CPLX2: variants seen among roughly 807,000 people sequenced by gnomAD.
CPLX2 encodes complexin-2.
In CPLX2, 5 loss-of-function variants were observed where a neutral mutation model predicts 16.3. The observed-to-expected ratio is 0.31, with a 90% CI of 0.16 to 0.64. CPLX2 has a LOEUF of 0.64. Among genes scored for constraint, CPLX2 ranks in the 30% least tolerant of loss-of-function variants. The pLI, the probability that CPLX2 is intolerant of heterozygous loss-of-function variation, is 0.79. For synonymous variants in CPLX2, 89 were observed against 73.2 expected (o/e 1.22, Z -1.10); for missense variants, 144 against 181.4 (o/e 0.79, Z 1.18).
At chr5:175,857,748 G>C (rs1759288105) in intron 2 of CPLX2, among the ~76,000 whole-genome samples, 1 of 152,184 alleles carries the variant, frequency 6.6e-6, no homozygotes, top group African/African-American at 2.4e-5. Flanking sequence ...TGTAAGTTGG[G>C]AGCCATTGTA....
At chr5:175,864,272 G>A (rs1025018510) in intron 2 of CPLX2, among the ~76,000 whole-genome samples, 7 of 152,146 alleles carry the variant, frequency 4.6e-5, no homozygotes, top group African/African-American at 1.2e-4. Flanking sequence ...CTGTCTTTAC[G>A]TGGCCAGTGC....
intron 2 of CPLX2, among the ~76,000 whole-genome samples, chr5:175,863,203 C>T (rs886932050): frequency 6.6e-6 from 1 of 152,234 alleles, no homozygotes; most frequent in Non-Finnish European, 1.5e-5. Flanking sequence ...TTTTGGTCAC[C>T]TTGAGACCTA....
At chr5:175,819,562 C>G (rs983254118) in intron 2 of CPLX2, among the ~76,000 whole-genome samples, 24 of 152,192 alleles carry the variant, frequency 1.6e-4, no homozygotes, top group African/African-American at 5.5e-4. Flanking sequence ...CTATTCAAGG[C>G]TCTGGACAGG....
chr5:175,836,039 G>A (rs1045627907), intron 2 of CPLX2, among the ~76,000 whole-genome samples: 10 of 152,088 alleles, frequency 6.6e-5, no homozygotes, highest in East Asian at 5.8e-4. Context: ...GCGCCCAGCC[G>A]CAAATGGCTT....
intron 2 of CPLX2, among the ~76,000 whole-genome samples, chr5:175,839,482 A>C (rs1758908405): frequency 6.6e-6 from 1 of 152,066 alleles, no homozygotes; most frequent in African/African-American, 2.4e-5. Flanking sequence ...ATGGGGTTTC[A>C]CCATGTTGGC....
intron 1 of CPLX2, among the ~76,000 whole-genome samples, chr5:175,800,274 G>T (rs1758068660): frequency 6.6e-6 from 1 of 152,198 alleles, no homozygotes; most frequent in African/African-American, 2.4e-5. Context: ...ATCAAATGGG[G>T]AGGGCAGTGT....
At chr5:175,870,597 C>T (rs986902566), upstream of CPLX2, among the ~76,000 whole-genome samples, 1 of 142,974 alleles carries the variant, frequency 7.0e-6, no homozygotes, top group Non-Finnish European at 1.5e-5. Context: ...AATAAAAAGG[C>T]TCATTAGGTG....
In CPLX2 at chr5:175,874,975, G is replaced by A. The variant is rs564261607; in HGVS notation, c.-89+3270G>A. ...GATTCCAGAAAGCTGGAAAAGGTGG[G>A]GGGAGGGAGTCAGCAGCAGCATGTG... On this transcript the variant is annotated intron_variant, in intron 1 of 3. Coordinates refer to ENST00000393745, the MANE Select transcript of CPLX2 (RefSeq NM_001008220.2). 3.9e-5 allele frequency among the ~76,000 whole-genome samples: 6 copies of A among 152,324 alleles called. No individual in the cohort carries two copies. In the South Asian group the frequency reaches 1.2e-3, roughly 32 times the overall value.
intron 2 of CPLX2, among the ~76,000 whole-genome samples, chr5:175,829,196 C>T (rs538891221): frequency 3.9e-5 from 6 of 152,310 alleles, no homozygotes; most frequent in African/African-American, 7.2e-5. Flanking sequence ...AGGCTTTTTG[C>T]GTTTGATTTT....
chr5:175,848,216 T>C (rs1246131100), intron 2 of CPLX2, among the ~76,000 whole-genome samples: 2 of 151,864 alleles, frequency 1.3e-5, no homozygotes, highest in African/African-American at 2.4e-5. Flanking sequence ...CAGCCATTGG[T>C]AGGGGAGAGG....
intron 2 of CPLX2, among the ~76,000 whole-genome samples, chr5:175,847,025 G>A (rs1428493383): frequency 2.0e-5 from 3 of 152,162 alleles, no homozygotes; most frequent in South Asian, 2.1e-4. Flanking sequence ...TTTAGGAGGC[G>A]TTGAGATGAA....
chr5:175,810,903 A>G (rs1418469837), intron 2 of CPLX2, among the ~76,000 whole-genome samples: 2 of 152,202 alleles, frequency 1.3e-5, no homozygotes, highest in Non-Finnish European at 2.9e-5. Context: ...TTCCCTCCAT[A>G]TAGAATGTAT....
intron 2 of CPLX2, among the ~76,000 whole-genome samples, chr5:175,841,565 G>A (rs1299646895): frequency 1.3e-5 from 2 of 152,224 alleles, no homozygotes; most frequent in African/African-American, 2.4e-5. Context: ...CCCTATGTCT[G>A]AGACCTAGAT....
intron 2 of CPLX2, among the ~76,000 whole-genome samples, chr5:175,862,103 C>T (rs1759384148): frequency 6.6e-6 from 1 of 152,226 alleles, no homozygotes; most frequent in South Asian, 2.1e-4. Flanking sequence ...GCAGTGCCCA[C>T]TTCTCCTACT....
At chr5:175,856,568 G>C (rs1354571058) in intron 2 of CPLX2, among the ~76,000 whole-genome samples, 1 of 152,228 alleles carries the variant, frequency 6.6e-6, no homozygotes, top group African/African-American at 2.4e-5. Flanking sequence ...CCAAGGAGAA[G>C]GAGGAGAGGT....
chr5:175,873,245 G>A (rs1419889384), intron 1 of CPLX2, among the ~76,000 whole-genome samples: 1 of 133,866 alleles, frequency 7.5e-6, no homozygotes, highest in Non-Finnish European at 1.6e-5. Context: ...CACTCCCGCA[G>A]GCATATGGCA....
In CPLX2 at chr5:175,879,104, C is replaced by G. The variant is rs4077873; in HGVS notation, c.207+21C>G. The G allele has an allele frequency of 8.7e-3, 13,472 of 1,550,248 alleles. 934 individuals carry two copies. The African/African-American group carries it at 0.16, about 18-fold the overall frequency. On this transcript the variant is annotated intron_variant, in intron 3 of 3. Transcript: ENST00000393745. ...ATAAGGTCAGCTCCGCCCGCCCGCC[C>G]GTCCTGGGGAGGGCCACAAGCGGGT...
rs1222789374 is a variant in CPLX2 at position 175,883,020 on chromosome 5, T to A, written c.*2975T>A. On this transcript the variant is annotated 3_prime_UTR_variant, in exon 4 of 4. Transcript: ENST00000393745. ...TGGGGCAGTGTGCATGCAACACACT[T>A]AGGGGAGGAGTGGCCCCAGAATTCA... 6.6e-6 allele frequency: 1 copy of A among 152,204 alleles called. No individual in the cohort carries two copies. Among genetic ancestry groups the A allele is most frequent in the Non-Finnish European group, 1.5e-5 (1 of 68,050 alleles). 9.4% of individuals were successfully genotyped at this position (152,204 alleles called of 1,614,324 possible). A position where few individuals can be genotyped will look rare whatever the true frequency, so the allele number is the denominator to read the frequency against.
chr5:175,820,537 A>G (rs1008725117), intron 2 of CPLX2, among the ~76,000 whole-genome samples: 1 of 152,066 alleles, frequency 6.6e-6, no homozygotes, highest in South Asian at 2.1e-4. Flanking sequence ...ACAGCCACAC[A>G]ATGAGTCCTA....
Sources: gnomAD v4.1 joint callset for allele counts (sites outside exome capture counted in the v4.1 genomes callset) on GRCh38, gnomAD v4.1.1 for gene constraint, MANE v1.5 for transcripts, NCBI Gene and HGNC (gene_info 2026-07-23, HGNC 2026-07-21) for gene names.